Variants in MATCAP2 observed in about 807,000 individuals in gnomAD.
MATCAP2 encodes the protein microtubule associated tyrosine carboxypeptidase 2, also known as putative tyrosine carboxypeptidase MATCAP2.
At chr7:36,373,284 G>A in the MATCAP2 span, among the ~76,000 whole-genome samples, 1 of 152,082 alleles carries the variant, frequency 6.6e-6, no homozygotes, top group Admixed American at 6.6e-5. Flanking sequence ...ATACAGATAG[G>A]TGCTATGAAG....
chr7:36,364,233 G>A, the MATCAP2 span, among the ~76,000 whole-genome samples: 2 of 151,986 alleles, frequency 1.3e-5, no homozygotes, highest in African/African-American at 2.4e-5. Context: ...GACTACAGGC[G>A]CAGGCCATCA....
At chr7:36,338,944 CTT>C in the MATCAP2 span, among the ~76,000 whole-genome samples, 1 of 152,228 alleles carries the variant, frequency 6.6e-6, no homozygotes, top group Non-Finnish European at 1.5e-5. Flanking sequence ...TAAGCCCCCT[CTT>C]TGAGTTGTCC....
At chr7:36,338,801 T>G in the MATCAP2 span, among the ~76,000 whole-genome samples, 2 of 152,358 alleles carry the variant, frequency 1.3e-5, no homozygotes, top group South Asian at 2.1e-4. Flanking sequence ...TTCATCTATG[T>G]AATAAGAACC....
the MATCAP2 span, among the ~76,000 whole-genome samples, chr7:36,328,406 G>A: frequency 6.6e-6 from 1 of 151,576 alleles, no homozygotes. Flanking sequence ...AAAAACTATA[G>A]TCTTCTGATC....
At chr7:36,387,922 T>A in the MATCAP2 span, among the ~76,000 whole-genome samples, 1 of 152,112 alleles carries the variant, frequency 6.6e-6, no homozygotes, top group African/African-American at 2.4e-5. Flanking sequence ...TACACACCTT[T>A]CTTGTCACAC....
chr7:36,337,629 T>G, the MATCAP2 span: 1 of 152,148 alleles, frequency 6.6e-6, no homozygotes, highest in African/African-American at 2.4e-5. Flanking sequence ...AGCAAGTCAC[T>G]AAACTTGTTT....
the MATCAP2 span, chr7:36,334,262 C>G: frequency 9.9e-7 from 1 of 1,005,614 alleles, no homozygotes; most frequent in South Asian, 1.6e-5. Context: ...ACCAGCCAGG[C>G]GCGGTGGCTC....
At chr7:36,366,612 G>T in the MATCAP2 span, 1 of 1,438,624 alleles carries the variant, frequency 7.0e-7, no homozygotes, top group Non-Finnish European at 9.4e-7. Flanking sequence ...TTTTGAAATA[G>T]GATTTAACAA....
the MATCAP2 span, among the ~76,000 whole-genome samples, chr7:36,361,775 AC>A: frequency 1.3e-5 from 2 of 152,234 alleles, no homozygotes; most frequent in African/African-American, 4.8e-5. Flanking sequence ...AACAGTATCA[AC>A]AGTAGAAAGG....
the MATCAP2 span, among the ~76,000 whole-genome samples, chr7:36,353,481 CT>C: frequency 5.2e-4 from 68 of 130,766 alleles, no homozygotes; most frequent in Admixed American, 8.8e-4. Flanking sequence ...TGTTTATGCT[CT>C]TTTTTTTTTT....
At chr7:36,352,096 T>A in the MATCAP2 span, among the ~76,000 whole-genome samples, 2 of 151,710 alleles carry the variant, frequency 1.3e-5, no homozygotes, top group Non-Finnish European at 1.5e-5. Flanking sequence ...TCAAACCCTT[T>A]CTTAAAATTA....
the MATCAP2 span, chr7:36,336,186 T>G: frequency 6.5e-7 from 1 of 1,536,550 alleles, no homozygotes; most frequent in Non-Finnish European, 8.7e-7. Context: ...ATCATGTACT[T>G]CCTAACGTGA....
At chr7:36,334,188 A>G in the MATCAP2 span, 1 of 1,525,508 alleles carries the variant, frequency 6.6e-7, no homozygotes. Context: ...TTACATGAAG[A>G]AAAAGAAATG....
the MATCAP2 span, among the ~76,000 whole-genome samples, chr7:36,351,752 G>A: frequency 6.6e-6 from 1 of 151,884 alleles, no homozygotes; most frequent in African/African-American, 2.4e-5. Context: ...TTTGGAACCA[G>A]CCTGGGCAAC....
chr7:36,347,839 T>C, the MATCAP2 span, among the ~76,000 whole-genome samples: 1 of 152,166 alleles, frequency 6.6e-6, no homozygotes, highest in Non-Finnish European at 1.5e-5. Flanking sequence ...AATTCTAGAA[T>C]CTAAAACTTC....
the MATCAP2 span, among the ~76,000 whole-genome samples, chr7:36,361,021 C>T: frequency 2.7e-4 from 41 of 152,214 alleles, no homozygotes; most frequent in Middle Eastern, 6.8e-3. Flanking sequence ...AGAAGAAAAT[C>T]GTTCACCCCA....
At chr7:36,381,657 T>G in the MATCAP2 span, among the ~76,000 whole-genome samples, 3 of 137,348 alleles carry the variant, frequency 2.2e-5, no homozygotes, top group African/African-American at 2.7e-5. Flanking sequence ...GGTGACAGAG[T>G]GAGACTCCAT....
At chr7:36,366,220 C>G in the MATCAP2 span, among the ~76,000 whole-genome samples, 1 of 152,148 alleles carries the variant, frequency 6.6e-6, no homozygotes, top group Admixed American at 6.5e-5. Context: ...GAATCAAATG[C>G]TGGGAAAATG....
At chr7:36,345,000 G>C in the MATCAP2 span, among the ~76,000 whole-genome samples, 1 of 152,072 alleles carries the variant, frequency 6.6e-6, no homozygotes, top group African/African-American at 2.4e-5. Context: ...TATTGTCCAG[G>C]TCTCAGCCTC....
Sources: gnomAD v4.1 joint callset for allele counts (sites outside exome capture counted in the v4.1 genomes callset) on GRCh38, gnomAD v4.1.1 for gene constraint, MANE v1.5 for transcripts, NCBI Gene and HGNC (gene_info 2026-07-23, HGNC 2026-07-21) for gene names.